The following AEBP2 variants were observed in gnomAD, a reference collection of about 807,000 sequenced individuals.
AEBP2 encodes the protein zinc finger protein AEBP2.
AEBP2 carries 10 observed loss-of-function variants against 50.8 expected under a neutral mutation model. The ratio of observed to expected loss-of-function variants is 0.20; its 90% CI spans 0.12 to 0.33. AEBP2 has a LOEUF of 0.33. Ranked by LOEUF, AEBP2 falls within the 10% of genes least tolerant of loss-of-function variation. The pLI is 1.00. For missense variants in AEBP2, 570 were observed against 688.0 expected (o/e 0.83, Z 1.92); for synonymous variants, 296 against 261.3 (o/e 1.13, Z -1.28).
intron 5 of AEBP2, among the ~76,000 whole-genome samples, chr12:19,504,606 A>G (rs73072893): frequency 0.018 from 2,664 of 152,194 alleles, 25 homozygotes; most frequent in Non-Finnish European, 0.026. Context: ...CATGGATTCC[A>G]GGATGAGAAC....
At chr12:19,480,430 C>T (rs867564478) in intron 3 of AEBP2, among the ~76,000 whole-genome samples, 18 of 152,098 alleles carry the variant, frequency 1.2e-4, no homozygotes, top group Non-Finnish European at 2.5e-4. Flanking sequence ...TGGTGTGTTT[C>T]GAGGTTTTAT....
intron 3 of AEBP2, among the ~76,000 whole-genome samples, chr12:19,476,507 A>G (rs1948651218): frequency 7.4e-6 from 1 of 134,972 alleles, no homozygotes; most frequent in South Asian, 2.3e-4. Context: ...ATGTCTGGCT[A>G]ATTTTTAAAT....
intron 5 of AEBP2, among the ~76,000 whole-genome samples, chr12:19,511,968 A>G (rs1949238695): frequency 2.0e-5 from 3 of 152,316 alleles, no homozygotes; most frequent in African/African-American, 7.2e-5. Context: ...GAAGAACTAC[A>G]AAGCAGGCAG....
intron 2 of AEBP2, among the ~76,000 whole-genome samples, chr12:19,470,638 A>G (rs1363846574): frequency 6.6e-6 from 1 of 152,190 alleles, no homozygotes; most frequent in Non-Finnish European, 1.5e-5. Flanking sequence ...TCTAAACCAT[A>G]CTTAATAAGG....
chr12:19,466,771 GAAACA>G (rs1948484161), intron 2 of AEBP2: 10 of 983,628 alleles, frequency 1.0e-5, no homozygotes, highest in Non-Finnish European at 1.2e-5. Flanking sequence ...TCATGGAACA[GAAACA>G]GATGAGGAAA....
rs1269617426 is a variant in AEBP2 at position 19,440,233 on chromosome 12, C to T, written c.534C>T (p.Ser178=). The T allele has an allele frequency of 2.7e-6, 4 of 1,474,876 alleles. No individual in the cohort carries two copies. Among genetic ancestry groups the T allele is most frequent in the South Asian group, 1.4e-5 (1 of 73,018 alleles). The allele number at this position is 1,474,876 out of a possible 1,614,324, so 91.4% of individuals were successfully genotyped here. The change falls in exon 1 of 8, where the codon AGC becomes AGT. Residue 178 remains serine (S), a synonymous_variant. Coordinates refer to ENST00000266508, the MANE Select transcript of AEBP2 (RefSeq NM_153207.5). ...QGGGGGGSSS[S]SVVSSGGDEG... ...GCGGCGGGGGCGGCAGCAGTAGCAG[C>T]AGCGTAGTCTCCAGCGGCGGCGACG...
chr12:19,459,055 T>A (rs2153369571), intron 1 of AEBP2, among the ~76,000 whole-genome samples: 1 of 152,328 alleles, frequency 6.6e-6, no homozygotes, highest in African/African-American at 2.4e-5. Flanking sequence ...AGATTGTTTA[T>A]AAATTGGTTA....
chr12:19,440,644 C>G, intron 1 of AEBP2: 1 of 1,528,946 alleles, frequency 6.5e-7, no homozygotes, highest in Non-Finnish European at 8.7e-7. Context: ...CAGGACGGCT[C>G]TAACTCGGAA....
Position 19,473,285 on chromosome 12 carries a change from A to G in AEBP2, c.917A>G (p.Asn306Ser). Residue 306 changes from asparagine to serine, a missense_variant, in exon 3 of 8, where the codon AAC (asparagine) becomes AGC (serine). Physicochemically the swap from Asn to Ser is conservative, Grantham distance 46. This residue lies in a region of AEBP2 where 184 missense variants were observed against 351.2 expected (regional missense o/e 0.52). Transcript: ENST00000266508. ...VCLWKGCKVYNTPSTSQSWLQ... is the reference protein window; with the variant it reads ...VCLWKGCKVYSTPSTSQSWLQ... ...TTATGGAAAGGTTGTAAAGTATATAACACTCCATCTACCAGTCAAAGTTGG... is the reference window on the plus strand; with the variant it reads ...TTATGGAAAGGTTGTAAAGTATATAGCACTCCATCTACCAGTCAAAGTTGG... The G allele has an allele frequency of 6.5e-7, 1 of 1,545,996 alleles. No homozygotes were observed. Among genetic ancestry groups the G allele is most frequent in the Non-Finnish European group, 8.7e-7 (1 of 1,146,180 alleles).
At chr12:19,470,198 T>TG (rs1948548972) in intron 2 of AEBP2, among the ~76,000 whole-genome samples, 1 of 151,316 alleles carries the variant, frequency 6.6e-6, no homozygotes, top group African/African-American at 2.4e-5. Flanking sequence ...TTGCTTTGAG[T>TG]GCAGGTTTGA....
At chr12:19,486,679 G>A (rs1592759887) in intron 3 of AEBP2, among the ~76,000 whole-genome samples, 1 of 152,184 alleles carries the variant, frequency 6.6e-6, no homozygotes, top group South Asian at 2.1e-4. Context: ...CACCATGCTC[G>A]ACCATCTTTG....
intron 1 of AEBP2, among the ~76,000 whole-genome samples, chr12:19,427,988 G>A (rs925031241): frequency 6.6e-6 from 1 of 151,882 alleles, no homozygotes; most frequent in Non-Finnish European, 1.5e-5. Flanking sequence ...CGTAATCCCA[G>A]CACTTTTAGA....
intron 3 of AEBP2, among the ~76,000 whole-genome samples, chr12:19,479,735 TTTTTTTTTTTTTTA>T (rs1948699772): frequency 7.1e-6 from 1 of 141,368 alleles, no homozygotes; most frequent in African/African-American, 2.6e-5. Flanking sequence ...TTTTTTTTTT[TTTTTTTTTTTTTTA>T]CTATTGTTGC....
At chr12:19,408,715 C>T (rs923328691) in intron 1 of AEBP2, among the ~76,000 whole-genome samples, 4 of 151,836 alleles carry the variant, frequency 2.6e-5, no homozygotes, top group Admixed American at 6.6e-5. Context: ...GCCTAACCAA[C>T]GTGGTGAAAC....
At chr12:19,475,815 T>C (rs1176502692) in intron 3 of AEBP2, among the ~76,000 whole-genome samples, 1 of 152,212 alleles carries the variant, frequency 6.6e-6, no homozygotes, top group Non-Finnish European at 1.5e-5. Flanking sequence ...TTGTGTTGTA[T>C]ATCTTCTTTT....
rs187746076 is a variant in AEBP2, at chr12:19,433,653, G to A, written c.-16-28857G>A. ...AAATTAGCTGGGCGTGATGGCAGGC[G>A]CCTGTGATCCCAGCTACTCGGGAGG... On this transcript the variant is annotated intron_variant, in intron 1 of 3. Transcript: ENST00000538425. Among the ~76,000 whole-genome samples the A allele has an allele frequency of 5.2e-3, 791 of 151,680 alleles. 6 individuals are homozygous for A. Among genetic ancestry groups the A allele is most frequent in the African/African-American group, 0.018 (755 of 41,378 alleles).
chr12:19,456,895 C>CA, intron 1 of AEBP2: 1 of 1,462,618 alleles, frequency 6.8e-7, no homozygotes, highest in Non-Finnish European at 9.6e-7. Flanking sequence ...GAGAGGCAGG[C>CA]AAAGGGGCTT....
At chr12:19,442,374 C>T (rs1947977645) in intron 1 of AEBP2, among the ~76,000 whole-genome samples, 1 of 152,156 alleles carries the variant, frequency 6.6e-6, no homozygotes, top group African/African-American at 2.4e-5. Flanking sequence ...TGCCACTGCA[C>T]TCCAGCCTGG....
intron 1 of AEBP2, among the ~76,000 whole-genome samples, chr12:19,445,292 G>A (rs1241494153): frequency 6.6e-6 from 1 of 152,034 alleles, no homozygotes; most frequent in Non-Finnish European, 1.5e-5. Flanking sequence ...TCTGCCTCCC[G>A]GGTTCAAGCA....
Sources: allele counts gnomAD v4.1 joint callset (sites outside exome capture counted in the v4.1 genomes callset), GRCh38; gene constraint gnomAD v4.1.1; regional missense constraint gnomAD v4.1.1; transcripts MANE v1.5; gene names NCBI Gene and HGNC (gene_info 2026-07-23, HGNC 2026-07-21).